Variants in LHX6 observed in about 807,000 individuals in gnomAD.
LHX6 encodes LIM/homeobox protein Lhx6.
LHX6 carries 15 observed loss-of-function variants against 47.1 expected under a neutral mutation model. The observed-to-expected ratio is 0.32, with a 90% CI of 0.21 to 0.49. LHX6 has a LOEUF of 0.49. LHX6 is among the 20% of genes least tolerant of loss of function. The pLI is 0.99. For synonymous variants in LHX6, 242 were observed against 233.5 expected, an observed-to-expected ratio of 1.04 and a Z score of -0.33; for missense variants, 404 against 539.6, an observed-to-expected ratio of 0.75 and a Z score of 2.49.
intron 5 of LHX6, 93 bp downstream of exon 5, chr9:122,216,975 G>C (rs1010275101): frequency 2.8e-6 from 3 of 1,070,762 alleles, no homozygotes; most frequent in Middle Eastern, 2.5e-4. Flanking sequence ...GGGCCCAATC[G>C]GTAGAGGAGT....
In LHX6 at chr9:122,203,847, C is replaced by T. The variant is rs931192351; in HGVS notation, c.*913G>A. The T allele has an allele frequency of 4.6e-5, 7 of 152,522 alleles. No individual in the cohort carries two copies. The highest frequency in any genetic ancestry group is 8.8e-5 in the Non-Finnish European group (6 of 68,142). The allele number at this position is 152,522 out of a possible 1,614,324, so 9.4% of individuals were successfully genotyped here. On this transcript the variant is annotated 3_prime_UTR_variant, in exon 10 of 10. Transcript: ENST00000394319. ...CCATTGAGAAGACCTGGCCCAAGCA[C>T]CACTATGAGAGGTCAACAAGTGGCC...
chr9:122,219,552 T>G (rs1830744662), intron 4 of LHX6, among the ~76,000 whole-genome samples: 1 of 152,164 alleles, frequency 6.6e-6, no homozygotes, highest in Non-Finnish European at 1.5e-5. Flanking sequence ...GAGGGGAGGC[T>G]GGCTTCCGAT....
At chr9:122,227,537 A>C in intron 1 of LHX6, 57 bp from the exon 2 acceptor site, 2 of 1,494,792 alleles carry the variant, frequency 1.3e-6, no homozygotes, top group Non-Finnish European at 8.9e-7. Context: ...GGCTCCGCAC[A>C]GCCTGAGCCC....
At chr9:122,224,129 G>A (rs761417940) in intron 4 of LHX6, among the ~76,000 whole-genome samples, 1 of 152,188 alleles carries the variant, frequency 6.6e-6, no homozygotes, top group Non-Finnish European at 1.5e-5. Context: ...CCAGGTTCAA[G>A]TGATTCTCTT....
intron 1 of LHX6, chr9:122,228,170 C>A (rs1009295271): frequency 1.4e-5 from 16 of 1,165,698 alleles, no homozygotes; most frequent in Non-Finnish European, 1.8e-5. Context: ...CGGATTCAGG[C>A]GCCTTTCGAG....
intron 4 of LHX6, among the ~76,000 whole-genome samples, chr9:122,223,263 C>A (rs1268762037): frequency 2.0e-5 from 3 of 152,144 alleles, no homozygotes; most frequent in Non-Finnish European, 4.4e-5. Context: ...GGAATGTGAG[C>A]TTTTACTGCC....
Position 122,204,500 on chromosome 9 carries a change from A to G in LHX6, c.*260T>C. 1 of 415,534 alleles carries G rather than the reference A, an allele frequency of 2.4e-6. No homozygotes were observed. Among genetic ancestry groups the G allele is most frequent in the Non-Finnish European group, 4.3e-6 (1 of 234,768 alleles). The allele number at this position is 415,534 out of a possible 1,614,324, so 25.7% of individuals were successfully genotyped here. ...GGACTCCTGTTTAAATGGGAAAAAC[A>G]GGCTGTTTCCACCCTGATTCCAGAT... On this transcript the variant is annotated 3_prime_UTR_variant, in exon 10 of 10. Transcript: ENST00000394319.
chr9:122,223,753 T>A (rs1416723160), intron 4 of LHX6, among the ~76,000 whole-genome samples: 1 of 152,186 alleles, frequency 6.6e-6, no homozygotes, highest in Non-Finnish European at 1.5e-5. Flanking sequence ...GTGTTTTGAC[T>A]AGTTTCAAGG....
intron 4 of LHX6, among the ~76,000 whole-genome samples, chr9:122,219,058 C>G (rs547853954): frequency 6.6e-6 from 1 of 152,166 alleles, no homozygotes; most frequent in African/African-American, 2.4e-5. Context: ...CCCCTCCACC[C>G]GGGGGAGCAT....
intron 5 of LHX6, 125 bp downstream of exon 5, chr9:122,216,943 T>C: frequency 1.3e-6 from 1 of 770,924 alleles, no homozygotes; most frequent in Non-Finnish European, 2.1e-6. Flanking sequence ...ACCCCTACGC[T>C]GCCTGCGGGA....
At chr9:122,220,651 G>A (rs1207995279) in intron 4 of LHX6, among the ~76,000 whole-genome samples, 1 of 152,226 alleles carries the variant, frequency 6.6e-6, no homozygotes, top group Non-Finnish European at 1.5e-5. Context: ...TGTGAGGTCC[G>A]GGCCTTGCGT....
intron 9 of LHX6, among the ~76,000 whole-genome samples, chr9:122,206,022 A>T (rs1055053785): frequency 6.6e-6 from 1 of 152,120 alleles, no homozygotes; most frequent in African/African-American, 2.4e-5. Flanking sequence ...CTCTCTCAAG[A>T]GTGGCGACCC....
rs1425885473 is a variant in LHX6 at position 122,226,089 on chromosome 9, T to C, written c.461+287A>G. Among the ~76,000 whole-genome samples the C allele has an allele frequency of 2.0e-5, 3 of 152,060 alleles. No individual in the cohort carries two copies. The highest frequency in any genetic ancestry group is 7.2e-5 in the African/African-American group (3 of 41,398). On this transcript the variant is annotated intron_variant, in intron 4 of 9. Transcript: ENST00000394319. The surrounding 1 kb of genome is among the most constrained non-coding windows in gnomAD (Gnocchi z 6.5). ...GGCGCTCGAGGTCAGAACTGAAGCCTGAGACTTAGGCAGGACCCGAGACAG... is the reference window on the plus strand; with the variant it reads ...GGCGCTCGAGGTCAGAACTGAAGCCCGAGACTTAGGCAGGACCCGAGACAG...
In LHX6 at chr9:122,213,740, G is replaced by T; in HGVS notation, c.920C>A (p.Thr307Lys). The change falls in exon 8 of 10, where the codon ACG becomes AAG. Residue 307 changes from threonine to lysine, a missense_variant. By Grantham distance (78) the Thr-to-Lys change is moderately conservative (BLOSUM62 -1). This residue lies in a region of LHX6 where 2 missense variants were observed against 22.2 expected (regional missense o/e 0.09). Coordinates refer to ENST00000394319, the MANE Select transcript of LHX6 (RefSeq NM_014368.5). This position sits in a 1 kb window ranked among gnomAD's most constrained non-coding sequence, Gnocchi z 5.5. The stretch of plus-strand genomic sequence containing the variant: ...CGAGGGCGGCACTGGGTGTTGCGGC[G>T]TGTGCTTTTTATGACGCGCCCGGCA... The part of the protein sequence containing the change: ...QNCRARHKKH[T>K]PQHPVPPSGA... The T allele has an allele frequency of 1.2e-6, 2 of 1,608,564 alleles. No individual in the cohort carries two copies. The highest frequency in any genetic ancestry group is 1.7e-6 in the Non-Finnish European group (2 of 1,177,880).
intron 9 of LHX6, 63 bp from the exon 10 acceptor site, chr9:122,204,843 G>T: frequency 8.2e-7 from 1 of 1,217,178 alleles, no homozygotes; most frequent in South Asian, 1.5e-5. Flanking sequence ...CTGCCCCCCA[G>T]AGAACCTCAA....
At chr9:122,216,144 T>C (rs1830587918) in intron 5 of LHX6, among the ~76,000 whole-genome samples, 1 of 152,174 alleles carries the variant, frequency 6.6e-6, no homozygotes, top group African/African-American at 2.4e-5. Flanking sequence ...GCAAATCCTG[T>C]TTCTTCTTCT....
In LHX6 at chr9:122,228,755, CG is replaced by C; in HGVS notation, c.-16del. 8.0e-7 allele frequency: 1 copy of C among 1,244,646 alleles called. No individual in the cohort carries two copies. 77.1% of individuals were successfully genotyped at this position (1,244,646 alleles called of 1,614,324 possible). ...TTCCAGTACATGGGCCGGGGAACCT[CG>C]GGCTCAGCGGGCGCGCAGCGCGGAG... On this transcript the variant is annotated 5_prime_UTR_variant, in exon 1 of 10. Transcript: ENST00000394319.
chr9:122,227,053 AG>A, intron 2 of LHX6, 23 bp from the exon 3 acceptor site: 1 of 1,459,754 alleles, frequency 6.9e-7, no homozygotes, highest in Non-Finnish European at 9.0e-7. Context: ...AGAGAAGGAG[AG>A]GAGCGCTGAT....
At chr9:122,224,025 ATGTT>A (rs780807918) in intron 4 of LHX6, among the ~76,000 whole-genome samples, 16 of 151,674 alleles carry the variant, frequency 1.1e-4, no homozygotes, top group Non-Finnish European at 1.9e-4. Context: ...GTTTTTTTGT[ATGTT>A]TGTTTGTTTG....
Sources: allele counts gnomAD v4.1 joint callset (sites outside exome capture counted in the v4.1 genomes callset), GRCh38; gene constraint gnomAD v4.1.1; regional missense constraint gnomAD v4.1.1; non-coding constraint Gnocchi (gnomAD v3.1); transcripts MANE v1.5; gene names NCBI Gene and HGNC (gene_info 2026-07-23, HGNC 2026-07-21).